Variants in GRIP1 observed in about 807,000 individuals in gnomAD.
GRIP1 encodes the protein glutamate receptor interacting protein 1, also known as glutamate receptor-interacting protein 1.
A neutral mutation model predicts 129.9 loss-of-function variants in GRIP1; 45 were observed. That is an observed-to-expected ratio of 0.35 (90% CI 0.27 to 0.44). The LOEUF is 0.44. Ranked by LOEUF, GRIP1 falls within the 20% of genes least tolerant of loss-of-function variation. The pLI, the probability that GRIP1 is intolerant of heterozygous loss-of-function variation, is 1.00. For synonymous variants in GRIP1, 530 were observed against 520.8 expected, an observed-to-expected ratio of 1.02 and a Z score of -0.24; for missense variants, 1,196 against 1,396.8, an observed-to-expected ratio of 0.86 and a Z score of 2.29.
chr12:66,562,641 TAGA>T (rs1188748173), intron 2 of GRIP1, among the ~76,000 whole-genome samples: 6 of 152,294 alleles, frequency 3.9e-5, no homozygotes, highest in Admixed American at 2.0e-4. Flanking sequence ...ATATTTACAG[TAGA>T]AGGAGTTTTT....
chr12:66,538,198 T>C (rs1026582852), intron 4 of GRIP1, among the ~76,000 whole-genome samples: 2 of 139,900 alleles, frequency 1.4e-5, no homozygotes, highest in Non-Finnish European at 3.0e-5. Context: ...GTTCTTGCTG[T>C]ACTTTTTTTT....
Position 66,349,163 on chromosome 12 carries a change from A to G in GRIP1, c.3243T>C (p.Val1081=). Residue 1081 remains valine (V), a synonymous_variant, in exon 25 of 25, where the codon GTT becomes GTC. Transcript: ENST00000359742. ...GTGAAGCCAGTGGGTTTCTACTAAT[A>G]ACCAGGTCCAGCTTATTCCCGGATT... ...IAESGNKLDL[V]ISRNPLASQK... 1 of 1,614,032 alleles carries G rather than the reference A, an allele frequency of 6.2e-7. No individual in the cohort carries two copies.
chr12:66,904,652 G>A (rs2137284735), intron 1 of GRIP1, among the ~76,000 whole-genome samples: 1 of 152,274 alleles, frequency 6.6e-6, no homozygotes, highest in East Asian at 1.9e-4. Context: ...CAGCATTTTG[G>A]GAGGCCAAGG....
chr12:66,444,511 A>AC, intron 13 of GRIP1, 73 bp downstream of exon 13: 1 of 1,320,888 alleles, frequency 7.6e-7, no homozygotes, highest in Non-Finnish European at 1.1e-6. Flanking sequence ...AAAAAAAAAA[A>AC]AAATAGTTTC....
chr12:66,472,932 T>A (rs2059483209), intron 7 of GRIP1, among the ~76,000 whole-genome samples: 1 of 151,978 alleles, frequency 6.6e-6, no homozygotes, highest in Non-Finnish European at 1.5e-5. Flanking sequence ...CTACAGAAGT[T>A]TTTTTTTCAT....
intron 1 of GRIP1, among the ~76,000 whole-genome samples, chr12:66,949,837 G>A (rs896554328): frequency 3.5e-5 from 5 of 142,106 alleles, no homozygotes; most frequent in African/African-American, 5.2e-5. Context: ...GCGTGATCTC[G>A]GCTCACTGCA....
chr12:66,701,158 T>G (rs1481714707), intron 1 of GRIP1, among the ~76,000 whole-genome samples: 1 of 152,144 alleles, frequency 6.6e-6, no homozygotes, highest in African/African-American at 2.4e-5. Flanking sequence ...CACACATCCA[T>G]TATGGTCCTA....
At chr12:66,433,985 T>G (rs2058226244) in intron 13 of GRIP1, among the ~76,000 whole-genome samples, 2 of 152,174 alleles carry the variant, frequency 1.3e-5, no homozygotes, top group African/African-American at 4.8e-5. Context: ...GAGGTGATGG[T>G]TAGGACTGGA....
chr12:66,649,628 G>A (rs948680839), intron 1 of GRIP1, among the ~76,000 whole-genome samples: 3 of 152,192 alleles, frequency 2.0e-5, no homozygotes, highest in Non-Finnish European at 2.9e-5. Flanking sequence ...AAATGCCATC[G>A]AGCATCCCCA....
At chr12:66,396,424 G>C (rs1003706277) in intron 16 of GRIP1, among the ~76,000 whole-genome samples, 2 of 152,114 alleles carry the variant, frequency 1.3e-5, no homozygotes, top group African/African-American at 2.4e-5. Flanking sequence ...TTGGGAGAAG[G>C]GGGGCACCTG....
In GRIP1 at chr12:66,650,486, T is replaced by C. The variant is rs961244185; in HGVS notation, c.55+28364A>G. 5.3e-5 allele frequency among the ~76,000 whole-genome samples: 8 copies of C among 152,300 alleles called. No homozygotes were observed. In the East Asian group the frequency reaches 1.2e-3, roughly 22 times the overall value. Reference sequence around the variant, plus strand: ...CTATGTTATGGAATTTGAATTTTAGTAGAATATAGTCAGTAAGATGAGTTG... The same window carrying C: ...CTATGTTATGGAATTTGAATTTTAGCAGAATATAGTCAGTAAGATGAGTTG... On this transcript the variant is annotated intron_variant, in intron 1 of 24. Transcript: ENST00000359742.
At chr12:66,384,623 GGTTTTGCTAAA>G (rs1459423803) in intron 19 of GRIP1, among the ~76,000 whole-genome samples, 1 of 152,066 alleles carries the variant, frequency 6.6e-6, no homozygotes, top group Non-Finnish European at 1.5e-5. Flanking sequence ...GACTAGATTT[GGTTTTGCTAAA>G]GATTATAGAT....
chr12:66,521,698 T>C (rs1592475141), intron 5 of GRIP1, among the ~76,000 whole-genome samples: 1 of 151,978 alleles, frequency 6.6e-6, no homozygotes, highest in African/African-American at 2.4e-5. Flanking sequence ...CAAAGCAGGG[T>C]GAGGCAATGC....
At chr12:66,660,293 C>G (rs1302657078) in intron 1 of GRIP1, among the ~76,000 whole-genome samples, 1 of 124,510 alleles carries the variant, frequency 8.0e-6, no homozygotes, top group Non-Finnish European at 1.7e-5. Flanking sequence ...AATATATCTC[C>G]TATTATAATA....
intron 1 of GRIP1, among the ~76,000 whole-genome samples, chr12:66,720,235 T>C (rs903342162): frequency 6.6e-6 from 1 of 152,174 alleles, no homozygotes; most frequent in Non-Finnish European, 1.5e-5. Context: ...GTCTATTAAG[T>C]GTGCAATAAC....
intron 2 of GRIP1, chr12:66,567,900 C>G (rs1261966635): frequency 6.0e-6 from 1 of 166,916 alleles, no homozygotes; most frequent in East Asian, 1.8e-4. Context: ...GATAGAACAT[C>G]CGTAAACACT....
chr12:66,609,127 TCA>T (rs1012683755), intron 1 of GRIP1, among the ~76,000 whole-genome samples: 1 of 152,024 alleles, frequency 6.6e-6, no homozygotes, highest in Non-Finnish European at 1.5e-5. Flanking sequence ...AAACTGAATC[TCA>T]GTTACAAATC....
intron 1 of GRIP1, among the ~76,000 whole-genome samples, chr12:67,053,658 TC>T (rs2042424582): frequency 6.6e-6 from 1 of 151,722 alleles, no homozygotes; most frequent in Non-Finnish European, 1.5e-5. Context: ...TGGCAAAACC[TC>T]ATCTCTACTA....
At chr12:66,551,536 T>C (rs2062132240) in intron 2 of GRIP1, among the ~76,000 whole-genome samples, 1 of 151,974 alleles carries the variant, frequency 6.6e-6, no homozygotes, top group Admixed American at 6.6e-5. Context: ...CATTTATTTT[T>C]GCATGTATTT....
Sources: gnomAD v4.1 joint callset for allele counts (sites outside exome capture counted in the v4.1 genomes callset) on GRCh38, gnomAD v4.1.1 for gene constraint, MANE v1.5 for transcripts, NCBI Gene and HGNC (gene_info 2026-07-23, HGNC 2026-07-21) for gene names.